CNTNAP2: variants seen among roughly 807,000 people sequenced by gnomAD.
CNTNAP2 encodes the protein contactin associated protein 2, also known as contactin-associated protein-like 2.
In CNTNAP2, 98 loss-of-function variants were observed where a neutral mutation model predicts 155.2. That is an observed-to-expected ratio of 0.63 (90% CI 0.54 to 0.75). CNTNAP2 has a LOEUF of 0.75. Ranked by LOEUF, CNTNAP2 falls within the 30% of genes least tolerant of loss-of-function variation. The pLI is 0.00. For synonymous variants in CNTNAP2, 651 were observed against 631.2 expected (o/e 1.03, Z -0.47); for missense variants, 1,727 against 1,688.1 (o/e 1.02, Z -0.40).
At chr7:147,814,117 G>A (rs1433113562) in intron 13 of CNTNAP2, among the ~76,000 whole-genome samples, 1 of 152,058 alleles carries the variant, frequency 6.6e-6, no homozygotes, top group Non-Finnish European at 1.5e-5. Context: ...ATGTGACTTT[G>A]ATATTTCAGT....
intron 1 of CNTNAP2, among the ~76,000 whole-genome samples, chr7:146,625,573 A>G (rs978952212): frequency 3.9e-5 from 6 of 152,032 alleles, no homozygotes; most frequent in African/African-American, 1.4e-4. Flanking sequence ...ACCAAGTTCC[A>G]TTTACAGAGT....
intron 8 of CNTNAP2, among the ~76,000 whole-genome samples, chr7:147,281,760 T>A (rs2116727265): frequency 6.6e-6 from 1 of 152,006 alleles, no homozygotes; most frequent in East Asian, 1.9e-4. Context: ...ACCTAATAAA[T>A]TGGTAAAATT....
chr7:146,118,075 T>C (rs2116712989), intron 1 of CNTNAP2, among the ~76,000 whole-genome samples: 1 of 152,322 alleles, frequency 6.6e-6, no homozygotes, highest in Admixed American at 6.5e-5. Flanking sequence ...TATTAATGCA[T>C]CTTTGTTAAT....
intron 9 of CNTNAP2, among the ~76,000 whole-genome samples, chr7:147,360,759 T>G (rs557927518): frequency 1.3e-5 from 2 of 152,284 alleles, no homozygotes; most frequent in Non-Finnish European, 2.9e-5. Flanking sequence ...CTCCAGTGAA[T>G]TCTCACCAGC....
At chr7:148,071,467 A>G (rs1803381311) in intron 15 of CNTNAP2, among the ~76,000 whole-genome samples, 1 of 152,196 alleles carries the variant, frequency 6.6e-6, no homozygotes, top group African/African-American at 2.4e-5. Context: ...TGACAGAGCG[A>G]GACTCCATCT....
At position 146,770,556 on chromosome 7, in the gene CNTNAP2, T is replaced by TA. The variant is rs199516331; in HGVS notation, c.98-3707dup. On this transcript the variant is annotated intron_variant, in intron 1 of 23. Coordinates refer to ENST00000361727, the MANE Select transcript of CNTNAP2 (RefSeq NM_014141.6). ...CTGATAATAATTTTGCAGTCACCTTTAAAAAAAATTGCTTATTGGCCCTGA... is the reference window on the plus strand; with the variant it reads ...CTGATAATAATTTTGCAGTCACCTTTAAAAAAAAATTGCTTATTGGCCCTGA... 5.8e-3 allele frequency among the ~76,000 whole-genome samples: 888 copies of TA among 151,894 alleles called. 5 individuals carry two copies. The highest frequency in any genetic ancestry group is 0.02 in the African/African-American group (833 of 41,490).
intron 20 of CNTNAP2, among the ~76,000 whole-genome samples, chr7:148,240,824 A>T (rs1349379078): frequency 1.5e-5 from 2 of 134,958 alleles, no homozygotes; most frequent in East Asian, 5.0e-4. Context: ...ACGAATTTGG[A>T]GTCCAATGTT....
At chr7:146,994,431 T>A in intron 3 of CNTNAP2, among the ~76,000 whole-genome samples, 1 of 152,168 alleles carries the variant, frequency 6.6e-6, no homozygotes, top group Non-Finnish European at 1.5e-5. Context: ...TTCTTAAGAA[T>A]AATTTTATGA....
At chr7:147,385,194 C>A (rs182909792) in intron 9 of CNTNAP2, among the ~76,000 whole-genome samples, 1 of 152,146 alleles carries the variant, frequency 6.6e-6, no homozygotes, top group Non-Finnish European at 1.5e-5. Flanking sequence ...TTCCCTGACT[C>A]GTGGGAAGTG....
intron 1 of CNTNAP2, among the ~76,000 whole-genome samples, chr7:146,356,914 G>A (rs984528586): frequency 6.6e-6 from 1 of 152,050 alleles, no homozygotes; most frequent in Non-Finnish European, 1.5e-5. Context: ...TCTCCAGGTC[G>A]CTGCTTATGG....
At chr7:147,144,590 G>A (rs888195519) in intron 8 of CNTNAP2, among the ~76,000 whole-genome samples, 2 of 152,106 alleles carry the variant, frequency 1.3e-5, no homozygotes, top group African/African-American at 4.8e-5. Context: ...AGGATAATCA[G>A]TGTCATCGGC....
chr7:147,385,320 C>T (rs1796606771), intron 9 of CNTNAP2, among the ~76,000 whole-genome samples: 1 of 152,114 alleles, frequency 6.6e-6, no homozygotes, highest in Admixed American at 6.5e-5. Context: ...CATGCCTTCC[C>T]AACAGTCCCC....
chr7:147,873,815 A>C (rs1233693111), intron 13 of CNTNAP2, among the ~76,000 whole-genome samples: 2 of 152,154 alleles, frequency 1.3e-5, no homozygotes, highest in Non-Finnish European at 2.9e-5. Context: ...GTAAAATCAA[A>C]AGCAAGTTAG....
In CNTNAP2 at chr7:147,401,698, C is replaced by T. The variant is rs527491716; in HGVS notation, c.1670+5918C>T. 9.2e-5 allele frequency among the ~76,000 whole-genome samples: 14 copies of T among 152,158 alleles called. No individual in the cohort carries two copies. The South Asian group carries it at 1.2e-3, about 14-fold the overall frequency. ...TCATGGGGGTGGATTTCCCCCTTAC[C>T]GTTCTCATGATAGTGAGTGAGTTCT... On this transcript the variant is annotated intron_variant, in intron 10 of 23. Transcript: ENST00000361727.
chr7:146,593,117 C>T (rs1277252125), intron 1 of CNTNAP2, among the ~76,000 whole-genome samples: 2 of 151,692 alleles, frequency 1.3e-5, no homozygotes, highest in East Asian at 3.9e-4. Context: ...TTCTCTGTCC[C>T]TTGCAGGGGT....
At chr7:147,676,650 C>T (rs1252439393) in intron 13 of CNTNAP2, among the ~76,000 whole-genome samples, 1 of 151,878 alleles carries the variant, frequency 6.6e-6, no homozygotes. Context: ...CCAATATCTT[C>T]CCAACCACCA....
At chr7:146,812,192 C>G (rs986119863) in intron 2 of CNTNAP2, among the ~76,000 whole-genome samples, 2 of 151,990 alleles carry the variant, frequency 1.3e-5, no homozygotes, top group African/African-American at 2.4e-5. Flanking sequence ...TCAGAACTTC[C>G]TAGAGGCTTG....
intron 13 of CNTNAP2, among the ~76,000 whole-genome samples, chr7:147,659,946 T>C (rs1424627517): frequency 6.6e-6 from 1 of 152,214 alleles, no homozygotes; most frequent in Non-Finnish European, 1.5e-5. Context: ...CATAATAATT[T>C]CCTATCCTCT....
chr7:147,691,938 T>C (rs1387996420), intron 13 of CNTNAP2, among the ~76,000 whole-genome samples: 1 of 152,098 alleles, frequency 6.6e-6, no homozygotes, highest in Non-Finnish European at 1.5e-5. Context: ...TTTTGACAAA[T>C]GTATAATGAC....
Sources: gnomAD v4.1 joint callset for allele counts (sites outside exome capture counted in the v4.1 genomes callset) on GRCh38, gnomAD v4.1.1 for gene constraint, MANE v1.5 for transcripts, NCBI Gene and HGNC (gene_info 2026-07-23, HGNC 2026-07-21) for gene names.